Variants in HNRNPM observed in about 807,000 individuals in gnomAD.
HNRNPM encodes the protein heterogeneous nuclear ribonucleoprotein M, also known as CEA receptor.
In HNRNPM, 11 loss-of-function variants were observed where a neutral mutation model predicts 73.1. The ratio of observed to expected loss-of-function variants is 0.15; its 90% confidence interval spans 0.09 to 0.25. The LOEUF (loss-of-function observed/expected upper bound fraction) is 0.25. Among genes scored for constraint, HNRNPM ranks in the 10% least tolerant of loss-of-function variants. HNRNPM has a pLI of 1.00. For synonymous variants in HNRNPM, 407 were observed against 355.2 expected, an observed-to-expected ratio of 1.15 and a Z score of -1.64; for missense variants, 789 against 1,067.9, an observed-to-expected ratio of 0.74 and a Z score of 3.64.
chr19:8,467,283 G>A (rs769194777), intron 7 of HNRNPM, among the ~76,000 whole-genome samples: 1 of 152,188 alleles, frequency 6.6e-6, no homozygotes. Flanking sequence ...TAAGAGGATG[G>A]TTTGGTGAAA....
At chr19:8,459,808 A>G (rs998619933) in intron 2 of HNRNPM, among the ~76,000 whole-genome samples, 15 of 152,230 alleles carry the variant, frequency 9.9e-5, no homozygotes, top group African/African-American at 3.1e-4. Context: ...TGTTTTAAGA[A>G]TAAGGCAGTC....
chr19:8,484,280 G>A (rs1004066199), intron 13 of HNRNPM, among the ~76,000 whole-genome samples: 4 of 150,842 alleles, frequency 2.7e-5, no homozygotes, highest in African/African-American at 7.3e-5. Flanking sequence ...GGGTTCAAGC[G>A]ATTCTCCTGC....
chr19:8,454,186 T>A (rs1408348851), intron 1 of HNRNPM, among the ~76,000 whole-genome samples: 1 of 152,258 alleles, frequency 6.6e-6, no homozygotes, highest in African/African-American at 2.4e-5. Flanking sequence ...CTGGAACTTT[T>A]ATTCTCATCC....
chr19:8,463,944 G>T lies in HNRNPM; in HGVS notation c.438+258G>T, dbSNP rs1969564358. The T allele has an allele frequency of 2.8e-5, 12 of 430,628 alleles. No homozygotes were observed. The South Asian group carries it at 3.7e-4, about 13-fold the overall frequency. 26.7% of individuals were successfully genotyped at this position (430,628 alleles called of 1,614,324 possible). On this transcript the variant is annotated intron_variant, in intron 5 of 15. Transcript: ENST00000325495. ...TTGTCTGAGGCCTTGTTGTCTCAGG[G>T]ACTCTCAAACCATGAGCCCGTGGGT...
Position 8,463,686 on chromosome 19 carries a change from A to G in HNRNPM, c.438A>G (p.Glu146=). Residue 146 remains glutamate, a splice_region_variant and synonymous_variant, in exon 5 of 16, where the codon GAA becomes GAG. Transcript: ENST00000325495. ...SLSGRPLKVK[E]DPDGEHARRA... ...GCGGAAGACCACTGAAAGTCAAAGA[A>G]GTAAGCTCTTGCTTAACACTGCGGA... 1.2e-6 allele frequency: 2 copies of G among 1,602,416 alleles called. No homozygotes were observed. Among genetic ancestry groups the G allele is most frequent in the Non-Finnish European group, 1.7e-6 (2 of 1,169,434 alleles).
In HNRNPM at chr19:8,462,653, G is replaced by T. The variant is rs771797019; in HGVS notation, c.336+72G>T. The T allele has an allele frequency of 1.2e-5, 15 of 1,274,248 alleles. No individual in the cohort carries two copies. The Admixed American group carries it at 1.5e-4, about 13-fold the overall frequency. 78.9% of individuals were successfully genotyped at this position (1,274,248 alleles called of 1,614,324 possible). On this transcript the variant is annotated intron_variant, in intron 3 of 15. Coordinates refer to ENST00000325495, the MANE Select transcript of HNRNPM (RefSeq NM_005968.5). This position sits in a 1 kb window ranked among gnomAD's most constrained non-coding sequence, Gnocchi z 4.5. The stretch of plus-strand genomic sequence containing the variant: ...TGTAACTGTATGGTGGCGTGGAATC[G>T]AATGAAATCAGGAAGGCAGTGAGTG...
At chr19:8,482,728 C>A in intron 12 of HNRNPM, 1 of 121,198 alleles carries the variant, frequency 8.3e-6, no homozygotes, top group Non-Finnish European at 1.5e-5. Flanking sequence ...GTCTTCTGAA[C>A]AAGAAGTTGG....
At chr19:8,474,039 A>G (rs1599818669) in intron 11 of HNRNPM, 128 bp from the exon 12 acceptor site, 6 of 725,612 alleles carry the variant, frequency 8.3e-6, no homozygotes, top group East Asian at 5.7e-5. Context: ...TTGTTTTTCA[A>G]AAGCCTTTAA....
intron 7 of HNRNPM, among the ~76,000 whole-genome samples, chr19:8,466,811 AGAGT>A (rs1188735033): frequency 3.3e-5 from 4 of 122,872 alleles, no homozygotes; most frequent in Non-Finnish European, 4.9e-5. Flanking sequence ...CCTGGGTGAT[AGAGT>A]GAGACTCAGT....
At chr19:8,463,572 C>T (rs759118727) in intron 4 of HNRNPM, 21 bp from the exon 5 acceptor site, 17 of 1,612,072 alleles carry the variant, frequency 1.1e-5, no homozygotes, top group Middle Eastern at 1.6e-4. Flanking sequence ...TCACTCGACT[C>T]GTTTCCTTTT....
intron 15 of HNRNPM, chr19:8,487,362 C>T: frequency 2.6e-6 from 1 of 384,586 alleles, no homozygotes; most frequent in South Asian, 2.5e-5. Flanking sequence ...AGTCTTCCTT[C>T]TGAGGTTACC....
intron 8 of HNRNPM, 91 bp from the exon 9 acceptor site, chr19:8,468,683 C>A: frequency 1.1e-6 from 1 of 913,668 alleles, no homozygotes; most frequent in Non-Finnish European, 1.8e-6. Context: ...TTTAGCTGGT[C>A]CTCTCTTGAT....
chr19:8,468,912 C>G, intron 9 of HNRNPM, 78 bp downstream of exon 9: 1 of 1,187,088 alleles, frequency 8.4e-7, no homozygotes, highest in South Asian at 1.2e-5. Flanking sequence ...TATGGTTTCA[C>G]TTGAACCTGT....
intron 2 of HNRNPM, among the ~76,000 whole-genome samples, chr19:8,457,588 G>C (rs926450841): frequency 6.6e-6 from 1 of 152,016 alleles, no homozygotes; most frequent in African/African-American, 2.4e-5. Context: ...AATTATTAGC[G>C]GTATAGGATT....
chr19:8,464,015 T>C (rs1189837078), intron 5 of HNRNPM, among the ~76,000 whole-genome samples: 1 of 152,196 alleles, frequency 6.6e-6, no homozygotes, highest in Non-Finnish European at 1.5e-5. Context: ...TCTTGGCCCA[T>C]CTTTTTTCTT....
rs751434193 is a variant in HNRNPM, at chr19:8,486,307, C to T, written c.1879C>T (p.Arg627Cys). The T allele has an allele frequency of 6.2e-6, 10 of 1,600,208 alleles. No homozygotes were observed. Among genetic ancestry groups the T allele is most frequent in the African/African-American group, 2.7e-5 (2 of 74,938 alleles). ...CTTTGACCGTGCCATCGAGATGGAG[C>T]GTGGCAACTTCGGAGGAAGCTTCGC... Reference protein sequence around the residue: ...ASFDRAIEMERGNFGGSFAGS... With the variant: ...ASFDRAIEMECGNFGGSFAGS... The change falls in exon 14 of 16, where the codon CGT becomes TGT. Residue 627 changes from arginine to cysteine, a missense_variant. Physicochemically the swap from Arg to Cys is radical, Grantham distance 180. Coordinates refer to ENST00000325495, the MANE Select transcript of HNRNPM (RefSeq NM_005968.5).
intron 5 of HNRNPM, among the ~76,000 whole-genome samples, chr19:8,464,731 G>T (rs1969623771): frequency 6.6e-6 from 1 of 152,188 alleles, no homozygotes; most frequent in Admixed American, 6.5e-5. Context: ...TCTCTCATGT[G>T]TTATGATGTC....
intron 12 of HNRNPM, among the ~76,000 whole-genome samples, chr19:8,474,894 T>C (rs1970396693): frequency 1.3e-5 from 2 of 152,078 alleles, no homozygotes; most frequent in South Asian, 4.2e-4. Flanking sequence ...TTTATATGTT[T>C]AGTAGAGTCG....
intron 12 of HNRNPM, among the ~76,000 whole-genome samples, chr19:8,479,082 T>TC (rs1450240887): frequency 4.9e-5 from 5 of 101,842 alleles, no homozygotes; most frequent in African/African-American, 2.1e-4. Flanking sequence ...TTCTTTCTTT[T>TC]TTTTTTTTTT....
Sources: allele counts gnomAD v4.1 joint callset (sites outside exome capture counted in the v4.1 genomes callset), GRCh38; gene constraint gnomAD v4.1.1; non-coding constraint Gnocchi (gnomAD v3.1); transcripts MANE v1.5; gene names NCBI Gene and HGNC (gene_info 2026-07-23, HGNC 2026-07-21).